ATP11A: variants seen among roughly 807,000 people sequenced by gnomAD.
The protein encoded by ATP11A is ATPase phospholipid transporting 11A.
In ATP11A, 81 loss-of-function variants were observed where a neutral mutation model predicts 154.4. That is an observed-to-expected ratio of 0.52 (90% CI 0.44 to 0.63). The LOEUF (loss-of-function observed/expected upper bound fraction) is 0.63, where lower values mean the gene tolerates loss of function less well. Among genes scored for constraint, ATP11A ranks in the 30% least tolerant of loss-of-function variants. The pLI is 0.00. For synonymous variants in ATP11A, 623 were observed against 585.9 expected, an observed-to-expected ratio of 1.06 and a Z score of -0.91; for missense variants, 1,316 against 1,474.3, an observed-to-expected ratio of 0.89 and a Z score of 1.76.
At chr13:112,719,814 G>A (rs150718981) in intron 1 of ATP11A, among the ~76,000 whole-genome samples, 1 of 152,320 alleles carries the variant, frequency 6.6e-6, no homozygotes, top group Non-Finnish European at 1.5e-5. Flanking sequence ...GTGGCATTGA[G>A]CAGGAGCAAC....
At chr13:112,871,057 C>G (rs920702869) in intron 25 of ATP11A, among the ~76,000 whole-genome samples, 2 of 152,238 alleles carry the variant, frequency 1.3e-5, no homozygotes, top group Non-Finnish European at 2.9e-5. Flanking sequence ...CTCTGTCCAG[C>G]CCTGTCCTGT....
chr13:112,708,748 G>T (rs1887427868), intron 1 of ATP11A, among the ~76,000 whole-genome samples: 1 of 152,288 alleles, frequency 6.6e-6, no homozygotes, highest in East Asian at 1.9e-4. Flanking sequence ...GTGTGGCCCT[G>T]TGAGTTGGTC....
intron 2 of ATP11A, among the ~76,000 whole-genome samples, chr13:112,800,641 C>A (rs9550212): frequency 1.3e-5 from 2 of 151,856 alleles, no homozygotes; most frequent in African/African-American, 4.8e-5. Context: ...TTTTCTAATT[C>A]GTTCTATGAG....
intron 17 of ATP11A, among the ~76,000 whole-genome samples, chr13:112,849,910 C>T (rs1289927460): frequency 1.3e-5 from 2 of 152,236 alleles, no homozygotes; most frequent in African/African-American, 4.8e-5. Flanking sequence ...CTCACTTATT[C>T]TTGACCAGGA....
At chr13:112,876,007 C>CTAA in intron 28 of ATP11A, 66 bp downstream of exon 28, 1 of 1,538,314 alleles carries the variant, frequency 6.5e-7, no homozygotes, top group Admixed American at 1.8e-5. Flanking sequence ...GGGAGATGAC[C>CTAA]GTTTTGAAAG....
chr13:112,728,622 G>A (rs190298054), intron 1 of ATP11A, among the ~76,000 whole-genome samples: 255 of 139,924 alleles, frequency 1.8e-3, no homozygotes, highest in Non-Finnish European at 3.3e-3. Flanking sequence ...CGTGCGGCCC[G>A]CCTCCCTGTG....
In ATP11A at chr13:112,813,317, A is replaced by G. The variant is rs1441123719; in HGVS notation, c.441+2591A>G. Among the ~76,000 whole-genome samples the G allele has an allele frequency of 2.6e-5, 4 of 152,348 alleles. No individual in the cohort carries two copies. The South Asian group carries it at 8.3e-4, about 32-fold the overall frequency. On this transcript the variant is annotated intron_variant, in intron 5 of 29. Transcript: ENST00000375645. ...TTCCATTTGCTCGGATGTGCTGCCC[A>G]GCTCTAAGATTTTGTCATCTCAAGG...
chr13:112,711,309 A>G (rs1363900937), intron 1 of ATP11A, among the ~76,000 whole-genome samples: 1 of 152,206 alleles, frequency 6.6e-6, no homozygotes, highest in Admixed American at 6.5e-5. Flanking sequence ...ACTTGTTAAA[A>G]CTAAAAGCTG....
chr13:112,744,899 T>C (rs527386441), intron 1 of ATP11A, among the ~76,000 whole-genome samples: 1 of 152,350 alleles, frequency 6.6e-6, no homozygotes, highest in South Asian at 2.1e-4. Flanking sequence ...GATGTCCCTT[T>C]CAAACAATGG....
rs369425840 is a variant in ATP11A at position 112,690,637 on chromosome 13, G to T, written c.39+182G>T. On this transcript the variant is annotated intron_variant, in intron 1 of 29. Transcript: ENST00000375645. This position sits in a 1 kb window ranked among gnomAD's most constrained non-coding sequence, Gnocchi z 5.6. ...AGGGGCCTCGGAGTTGACACCCTGG[G>T]GCTTCCGACGGGGTCTAGGTGGGCA... Among the ~76,000 whole-genome samples, 35 of 152,026 alleles carry T rather than the reference G, an allele frequency of 2.3e-4. No homozygotes were observed. In the East Asian group the frequency reaches 5.9e-3, roughly 26 times the overall value.
chr13:112,791,808 C>T (rs186313733), intron 2 of ATP11A, among the ~76,000 whole-genome samples: 23 of 152,258 alleles, frequency 1.5e-4, no homozygotes, highest in Admixed American at 1.4e-3. Flanking sequence ...GTTTCTGATC[C>T]GGGGAGCCCT....
At chr13:112,762,501 G>T (rs1037911005) in intron 1 of ATP11A, among the ~76,000 whole-genome samples, 1 of 151,952 alleles carries the variant, frequency 6.6e-6, no homozygotes. Flanking sequence ...CTTCAGTCCC[G>T]GCCGTGGTTC....
intron 1 of ATP11A, among the ~76,000 whole-genome samples, chr13:112,701,905 G>A (rs572868574): frequency 6.6e-6 from 1 of 152,222 alleles, no homozygotes; most frequent in East Asian, 1.9e-4. Flanking sequence ...TGTTACCCCC[G>A]GCACTGTGCT....
intron 18 of ATP11A, among the ~76,000 whole-genome samples, chr13:112,852,110 G>A (rs1014841407): frequency 5.9e-5 from 9 of 152,150 alleles, no homozygotes; most frequent in East Asian, 3.8e-4. Context: ...AGAAACAGTC[G>A]TCTGGTCCAC....
intron 1 of ATP11A, among the ~76,000 whole-genome samples, chr13:112,732,004 G>T (rs1334065707): frequency 1.3e-5 from 2 of 152,036 alleles, no homozygotes; most frequent in African/African-American, 4.8e-5. Context: ...GCCTCCCCAG[G>T]TGAGACAGTG....
intron 2 of ATP11A, among the ~76,000 whole-genome samples, chr13:112,788,369 G>A (rs367784876): frequency 7.0e-5 from 10 of 141,910 alleles, no homozygotes; most frequent in South Asian, 2.4e-4. Flanking sequence ...AATTCACACC[G>A]GTGTCCTAAT....
intron 17 of ATP11A, among the ~76,000 whole-genome samples, chr13:112,844,822 CCGGG>C (rs2079534653): frequency 4.6e-5 from 7 of 151,706 alleles, no homozygotes; most frequent in South Asian, 2.1e-4. Context: ...AGTCCAGTTG[CCGGG>C]TGTTAGTGGT....
In ATP11A at chr13:112,883,173, C is replaced by T. The variant is rs1456678788; in HGVS notation, c.*1307C>T. 2 of 398,486 alleles carry T rather than the reference C, an allele frequency of 5.0e-6. No homozygotes were observed. The highest frequency in any genetic ancestry group is 4.1e-5 in the African/African-American group (2 of 48,570). 24.7% of individuals were successfully genotyped at this position (398,486 alleles called of 1,614,324 possible). On this transcript the variant is annotated 3_prime_UTR_variant, in exon 30 of 30. Transcript: ENST00000375645. ...TTGTCCCGTCCCCACATACCCTCGT[C>T]CCCATGTCCCCACGCAGGGCTCTCC...
chr13:112,695,212 A>G (rs773402291), intron 1 of ATP11A, among the ~76,000 whole-genome samples: 2 of 152,248 alleles, frequency 1.3e-5, no homozygotes, highest in Admixed American at 6.5e-5. Flanking sequence ...TTTAGCTGCC[A>G]AGGTCTTCAG....
Sources: allele counts gnomAD v4.1 joint callset (sites outside exome capture counted in the v4.1 genomes callset), GRCh38; gene constraint gnomAD v4.1.1; non-coding constraint Gnocchi (gnomAD v3.1); transcripts MANE v1.5; gene names NCBI Gene and HGNC (gene_info 2026-07-23, HGNC 2026-07-21).